The following ANKRD13A variants were observed in gnomAD, a reference collection of about 807,000 sequenced individuals.
ANKRD13A encodes ankyrin repeat domain-containing protein 13A.
In ANKRD13A, 48 loss-of-function variants were observed where a neutral mutation model predicts 81.3. The observed-to-expected ratio is 0.59, with a 90% CI of 0.47 to 0.75. ANKRD13A has a LOEUF of 0.75. ANKRD13A is among the 30% of genes least tolerant of loss of function. The pLI is 0.00. For synonymous variants in ANKRD13A, 230 were observed against 270.1 expected, an observed-to-expected ratio of 0.85 and a Z score of 1.45; for missense variants, 612 against 734.0, an observed-to-expected ratio of 0.83 and a Z score of 1.92.
chr12:110,008,175 T>C (rs934729230), intron 1 of ANKRD13A, among the ~76,000 whole-genome samples: 1 of 152,212 alleles, frequency 6.6e-6, no homozygotes, highest in Non-Finnish European at 1.5e-5. Flanking sequence ...ATTCCTAGTA[T>C]GTTGAGAGTT....
intron 1 of ANKRD13A, among the ~76,000 whole-genome samples, chr12:110,004,627 G>A (rs1026192198): frequency 5.9e-5 from 9 of 152,146 alleles, no homozygotes; most frequent in African/African-American, 2.2e-4. Flanking sequence ...GGGAGACTCT[G>A]TCTCAAAAGA....
At chr12:110,002,273 T>C (rs1593193433) in intron 1 of ANKRD13A, among the ~76,000 whole-genome samples, 3 of 152,236 alleles carry the variant, frequency 2.0e-5, no homozygotes, top group African/African-American at 7.2e-5. Context: ...TTTTGCTCTA[T>C]ATTCCAGTTT....
At chr12:110,007,492 TG>T (rs1193170382) in intron 1 of ANKRD13A, among the ~76,000 whole-genome samples, 1 of 152,188 alleles carries the variant, frequency 6.6e-6, no homozygotes, top group Non-Finnish European at 1.5e-5. Context: ...GCGATTCTCC[TG>T]CCTCAGCCTC....
chr12:110,030,489 C>G (rs559105279), intron 11 of ANKRD13A, among the ~76,000 whole-genome samples, 156 bp from the exon 12 acceptor site: 16 of 152,186 alleles, frequency 1.1e-4, no homozygotes, highest in African/African-American at 3.9e-4. Flanking sequence ...CTCTCAATCT[C>G]AGTTTTCCCG....
In ANKRD13A at chr12:110,024,039, T is replaced by C; in HGVS notation, c.735-7T>C. 1 of 1,613,482 alleles carries C rather than the reference T, an allele frequency of 6.2e-7. No individual in the cohort carries two copies. The highest frequency in any genetic ancestry group is 8.5e-7 in the Non-Finnish European group (1 of 1,179,722). On this transcript the variant is annotated splice_polypyrimidine_tract_variant and splice_region_variant and intron_variant, in intron 6 of 14. Coordinates refer to ENST00000261739, the MANE Select transcript of ANKRD13A (RefSeq NM_033121.2). ...TGTAGAAATTTGTGGTGTTCACTTTTTATCAGAACTAAATCCGGATTCTGG... is the reference window on the plus strand; with the variant it reads ...TGTAGAAATTTGTGGTGTTCACTTTCTATCAGAACTAAATCCGGATTCTGG...
intron 3 of ANKRD13A, among the ~76,000 whole-genome samples, chr12:110,015,970 C>A (rs75721411): frequency 7.0e-6 from 1 of 142,070 alleles, no homozygotes; most frequent in Admixed American, 7.0e-5. Flanking sequence ...TTTTTTTTTC[C>A]ATACAGTATC....
chr12:110,031,497 C>T (rs1399031728), intron 12 of ANKRD13A, among the ~76,000 whole-genome samples: 1 of 152,056 alleles, frequency 6.6e-6, no homozygotes, highest in Admixed American at 6.6e-5. Context: ...AATACAGGTG[C>T]GTGCCACCAT....
At chr12:110,004,710 C>A (rs1267224381) in intron 1 of ANKRD13A, among the ~76,000 whole-genome samples, 2 of 152,150 alleles carry the variant, frequency 1.3e-5, no homozygotes, top group Admixed American at 1.3e-4. Flanking sequence ...GATTCTAAGC[C>A]CCACTAATAA....
At chr12:110,024,876 C>T (rs1406852154) in intron 7 of ANKRD13A, among the ~76,000 whole-genome samples, 4 of 152,228 alleles carry the variant, frequency 2.6e-5, no homozygotes, top group Non-Finnish European at 5.9e-5. Flanking sequence ...ACCATATTCC[C>T]CAGTTATCCT....
intron 6 of ANKRD13A, chr12:110,022,574 C>T (rs1046970226): frequency 3.3e-5 from 5 of 152,168 alleles, no homozygotes; most frequent in African/African-American, 7.2e-5. Context: ...GTCTTCCCAG[C>T]GTGCATGAAG....
rs368521635 is a variant in ANKRD13A at position 110,012,002 on chromosome 12, C to T, written c.97-3C>T. ...TATGTAAATGCCAGTGTTTCCTTCA[C>T]AGAATGTGGAGGCTGTGGACCCACG... On this transcript the variant is annotated splice_region_variant and splice_polypyrimidine_tract_variant and intron_variant, in intron 1 of 14. Coordinates refer to ENST00000261739, the MANE Select transcript of ANKRD13A (RefSeq NM_033121.2). The T allele has an allele frequency of 1.3e-6, 2 of 1,594,482 alleles. No individual in the cohort carries two copies. Among genetic ancestry groups the T allele is most frequent in the African/African-American group, 1.3e-5 (1 of 74,694 alleles).
chr12:110,016,246 C>G, intron 3 of ANKRD13A, 142 bp from the exon 4 acceptor site: 1 of 582,622 alleles, frequency 1.7e-6, no homozygotes, highest in Non-Finnish European at 2.7e-6. Context: ...CCTCACCCGG[C>G]TAGGGGCTTA....
chr12:110,028,911 T>C (rs529653196), intron 10 of ANKRD13A: 8 of 326,022 alleles, frequency 2.5e-5, no homozygotes, highest in Non-Finnish European at 3.5e-5. Flanking sequence ...CTAATTTTTG[T>C]ATTTTTAGTA....
chr12:110,026,419 A>G (rs1021798233), intron 8 of ANKRD13A, among the ~76,000 whole-genome samples: 2 of 150,106 alleles, frequency 1.3e-5, no homozygotes, highest in African/African-American at 4.9e-5. Flanking sequence ...GCTAAAAAAA[A>G]ATACAAAATT....
intron 1 of ANKRD13A, among the ~76,000 whole-genome samples, chr12:110,007,166 G>C (rs1464402660): frequency 6.6e-6 from 1 of 152,134 alleles, no homozygotes; most frequent in African/African-American, 2.4e-5. Context: ...CTCTCTTCAA[G>C]GTGGCTATTC....
chr12:110,010,722 A>G (rs1406179437), intron 1 of ANKRD13A, among the ~76,000 whole-genome samples: 4 of 152,176 alleles, frequency 2.6e-5, no homozygotes, highest in African/African-American at 4.8e-5. Flanking sequence ...TTATTCCTCA[A>G]TAAGAGTTAT....
At chr12:110,000,601 A>G (rs1275280463) in intron 1 of ANKRD13A, among the ~76,000 whole-genome samples, 1 of 152,090 alleles carries the variant, frequency 6.6e-6, no homozygotes, top group Admixed American at 6.6e-5. Context: ...TGGTTGTTGA[A>G]AGTGGGGAGT....
chr12:110,027,417 G>T (rs987869282), intron 8 of ANKRD13A: 3 of 367,028 alleles, frequency 8.2e-6, no homozygotes, highest in Non-Finnish European at 1.5e-5. Context: ...CATGGGTAGC[G>T]AGTGGCCAAG....
chr12:110,027,532 A>G (rs942935478), intron 8 of ANKRD13A, 173 bp from the exon 9 acceptor site: 21 of 620,938 alleles, frequency 3.4e-5, no homozygotes, highest in Non-Finnish European at 5.2e-5. Flanking sequence ...CCTCATGAAA[A>G]GCACCCTATA....
Sources: allele counts gnomAD v4.1 joint callset (sites outside exome capture counted in the v4.1 genomes callset), GRCh38; gene constraint gnomAD v4.1.1; transcripts MANE v1.5; gene names NCBI Gene and HGNC (gene_info 2026-07-23, HGNC 2026-07-21).